The following EPS8 variants were observed in gnomAD, a reference collection of about 807,000 sequenced individuals.
EPS8 encodes epidermal growth factor receptor kinase substrate 8.
In EPS8, 42 loss-of-function variants were observed where a neutral mutation model predicts 103.8. That is an observed-to-expected ratio of 0.40 (90% CI 0.32 to 0.52). The LOEUF is 0.52. Ranked by LOEUF, EPS8 falls within the 20% of genes least tolerant of loss-of-function variation. The pLI, the probability that EPS8 is intolerant of heterozygous loss-of-function variation, is 0.40. For synonymous variants in EPS8, 344 were observed against 344.6 expected (o/e 1.00, Z 0.02); for missense variants, 969 against 1,005.1 (o/e 0.96, Z 0.49).
rs1946759689 is a variant in EPS8 at position 15,735,560 on chromosome 12, C to G, written c.-21-52588G>C. ...ATGTCTAATCCTAAATGCCTCAAAG[C>G]TACTTAATTTTGAATCTTTTTAATA... is the stretch of plus-strand genomic sequence containing the variant. On this transcript the variant is annotated intron_variant, in intron 1 of 20. Transcript: ENST00000281172. The surrounding 1 kb of genome is among the most constrained non-coding windows in gnomAD (Gnocchi z 4.4). 6.6e-6 allele frequency among the ~76,000 whole-genome samples: 1 copy of G among 152,118 alleles called. No homozygotes were observed. Among genetic ancestry groups the G allele is most frequent in the Non-Finnish European group, 1.5e-5 (1 of 68,030 alleles).
chr12:15,654,438 G>A, intron 12 of EPS8, 145 bp from the exon 13 acceptor site: 1 of 711,956 alleles, frequency 1.4e-6, no homozygotes, highest in Non-Finnish European at 2.4e-6. Context: ...GCTACTGAAT[G>A]AAGAAAAGCT....
At chr12:15,658,383 C>T (rs1013216557) in intron 11 of EPS8, 114 bp downstream of exon 11, 7 of 801,220 alleles carry the variant, frequency 8.7e-6, no homozygotes, top group Non-Finnish European at 1.4e-5. Flanking sequence ...CATACACACC[C>T]CCACAAAATC....
At chr12:15,732,870 G>A (rs907164097) in intron 1 of EPS8, 3 of 351,184 alleles carry the variant, frequency 8.5e-6, no homozygotes, top group East Asian at 3.3e-4. Context: ...CAGCCACCTC[G>A]GTCATTATGC....
chr12:15,666,364 A>T lies in EPS8; in HGVS notation c.599+76T>A, dbSNP rs1010210053. On this transcript the variant is annotated intron_variant, in intron 7 of 20. Transcript: ENST00000281172. Reference sequence around the variant, plus strand: ...CAATAATATACTTCCATAGAAAATAATTTTTCTAACTCTTTGGGGAAAAAA... The same window carrying T: ...CAATAATATACTTCCATAGAAAATATTTTTTCTAACTCTTTGGGGAAAAAA... The T allele has an allele frequency of 3.7e-6, 4 of 1,076,302 alleles. No individual in the cohort carries two copies. In the Admixed American group the frequency reaches 5.9e-5, roughly 16 times the overall value. The allele number at this position is 1,076,302 out of a possible 1,614,324, so 66.7% of individuals were successfully genotyped here.
chr12:15,673,769 T>C (rs1260122761), intron 3 of EPS8, among the ~76,000 whole-genome samples: 1 of 152,216 alleles, frequency 6.6e-6, no homozygotes, highest in Non-Finnish European at 1.5e-5. Context: ...AGTAGGGTTT[T>C]AGGTTTCTAG....
At position 15,695,971 on chromosome 12, in the gene EPS8, G is replaced by T. The variant is rs1474038172; in HGVS notation, c.-21-12999C>A. Among the ~76,000 whole-genome samples the T allele has an allele frequency of 1.3e-5, 2 of 152,160 alleles. No individual in the cohort carries two copies. Among genetic ancestry groups the T allele is most frequent in the Non-Finnish European group, 2.9e-5 (2 of 68,024 alleles). ...TTTATTAAAAAGTAAAAATAAAACA[G>T]ATAGCGTTTATAAGGATACAAACAC... On this transcript the variant is annotated intron_variant, in intron 1 of 20. Coordinates refer to ENST00000281172, the MANE Select transcript of EPS8 (RefSeq NM_004447.6). This position sits in a 1 kb window ranked among gnomAD's most constrained non-coding sequence, Gnocchi z 5.0.
rs965271964 is a variant in EPS8 at position 15,688,116 on chromosome 12, G to GT, written c.-21-5145dup. Among the ~76,000 whole-genome samples, 1 of 152,166 alleles carries GT rather than the reference G, an allele frequency of 6.6e-6. No individual in the cohort carries two copies. Among genetic ancestry groups the GT allele is most frequent in the Admixed American group, 6.5e-5 (1 of 15,276 alleles). On this transcript the variant is annotated intron_variant, in intron 1 of 20. Transcript: ENST00000281172. This position sits in a 1 kb window ranked among gnomAD's most constrained non-coding sequence, Gnocchi z 5.1. ...AAGTAATGTCTTATTTGCATCTAAG[G>GT]TAAAATCATAGGCAGAAGTGAACAC...
chr12:15,732,940 AC>A (rs1421906042), intron 1 of EPS8, among the ~76,000 whole-genome samples: 1 of 152,180 alleles, frequency 6.6e-6, no homozygotes, highest in Non-Finnish European at 1.5e-5. Context: ...AGACTAAGAC[AC>A]AGAAATAGCA....
In EPS8 at chr12:15,660,673, G is replaced by A. The variant is rs1180130286; in HGVS notation, c.878C>T (p.Ala293Val). The A allele has an allele frequency of 1.2e-6, 2 of 1,610,528 alleles. No individual in the cohort carries two copies. The highest frequency in any genetic ancestry group is 1.7e-6 in the Non-Finnish European group (2 of 1,177,172). ...FITKLQKAAEAFSELSKRKKN... is the reference protein window; with the variant it reads ...FITKLQKAAEVFSELSKRKKN... ...CTTCCTTTTAGAAAGCTCAGAAAATGCTTCTGCTGCTTTTTGGAGTTTTGT... is the reference window on the plus strand; with the variant it reads ...CTTCCTTTTAGAAAGCTCAGAAAATACTTCTGCTGCTTTTTGGAGTTTTGT... The change falls in exon 10 of 21, where the codon GCA becomes GTA. Residue 293 changes from alanine to valine, a missense_variant. Ala to Val is a moderately conservative substitution (Grantham distance 64). Transcript: ENST00000281172.
rs79316381 is a variant in EPS8, at chr12:15,661,867, T to C, written c.810+159A>G. Among the ~76,000 whole-genome samples the C allele has an allele frequency of 0.03, 4,498 of 152,160 alleles. 183 individuals carry two copies. The highest frequency in any genetic ancestry group is 0.093 in the African/African-American group (3,858 of 41,502). ...AAGGCAAAAATGTTTAACGAGAAAA[T>C]AATTCAAAGGGCAAATTCAAAGGGC... is the stretch of plus-strand genomic sequence containing the variant. On this transcript the variant is annotated intron_variant, in intron 9 of 20. Transcript: ENST00000281172.
chr12:15,783,048 G>C (rs933598063), intron 1 of EPS8, among the ~76,000 whole-genome samples: 1 of 152,168 alleles, frequency 6.6e-6, no homozygotes, highest in African/African-American at 2.4e-5. Context: ...CCAAGAAACA[G>C]AGAAAAGTCA....
At chr12:15,669,622 G>A in intron 5 of EPS8, 42 bp downstream of exon 5, 1 of 1,553,562 alleles carries the variant, frequency 6.4e-7, no homozygotes, top group Non-Finnish European at 8.7e-7. Context: ...AATATTTGTG[G>A]AGTTTCTTGA....
chr12:15,643,349 T>C (rs940021499), intron 15 of EPS8, among the ~76,000 whole-genome samples: 1 of 152,172 alleles, frequency 6.6e-6, no homozygotes, highest in Non-Finnish European at 1.5e-5. Flanking sequence ...CAAATCTTTA[T>C]GGCTCACAGT....
chr12:15,753,780 T>G (rs1323221199), intron 1 of EPS8, among the ~76,000 whole-genome samples: 1 of 152,230 alleles, frequency 6.6e-6, no homozygotes, highest in Non-Finnish European at 1.5e-5. Flanking sequence ...TCGAATATGG[T>G]GTTAAATAAA....
rs1049045066 is a variant in EPS8 at position 15,728,003 on chromosome 12, G to A, written c.-21-45031C>T. 2 of 152,206 alleles carry A rather than the reference G, an allele frequency of 1.3e-5. No homozygotes were observed. The highest frequency in any genetic ancestry group is 2.9e-5 in the Non-Finnish European group (2 of 68,036). 9.4% of individuals were successfully genotyped at this position (152,206 alleles called of 1,614,324 possible). A position where few individuals can be genotyped will look rare whatever the true frequency, so the allele number is the denominator to read the frequency against. The stretch of plus-strand genomic sequence containing the variant: ...TTCCCTACCAGGTCTGACTGCAATG[G>A]AAAGATTTAAAGCCCTGTGAAATGA... On this transcript the variant is annotated intron_variant, in intron 1 of 20. Coordinates refer to ENST00000281172, the MANE Select transcript of EPS8 (RefSeq NM_004447.6). The surrounding 1 kb of genome is among the most constrained non-coding windows in gnomAD (Gnocchi z 4.5).
rs778922214 is a variant in EPS8 at position 15,702,801 on chromosome 12, T to C, written c.-21-19829A>G. Among the ~76,000 whole-genome samples the C allele has an allele frequency of 3.9e-5, 6 of 152,214 alleles. No individual in the cohort carries two copies. The East Asian group carries it at 1.2e-3, about 29-fold the overall frequency. On this transcript the variant is annotated intron_variant, in intron 1 of 20. Transcript: ENST00000281172. This position sits in a 1 kb window ranked among gnomAD's most constrained non-coding sequence, Gnocchi z 5.1. ...AAATTATGAAAGGAATTCTAGCTTATGCACGTAATGGTTATTAAAGGTAAA... is the reference window on the plus strand; with the variant it reads ...AAATTATGAAAGGAATTCTAGCTTACGCACGTAATGGTTATTAAAGGTAAA...
Position 15,706,773 on chromosome 12 carries a change from G to C in EPS8, c.-21-23801C>G, listed in dbSNP as rs1235911509. On this transcript the variant is annotated intron_variant, in intron 1 of 20. Coordinates refer to ENST00000281172, the MANE Select transcript of EPS8 (RefSeq NM_004447.6). This position sits in a 1 kb window ranked among gnomAD's most constrained non-coding sequence, Gnocchi z 5.2. ...ACTTATCCAAAGATATTCTTCCTTG[G>C]GCAAATTTTGTAATAAAATGACACA... Among the ~76,000 whole-genome samples, 1 of 151,038 alleles carries C rather than the reference G, an allele frequency of 6.6e-6. No individual in the cohort carries two copies. Among genetic ancestry groups the C allele is most frequent in the Non-Finnish European group, 1.5e-5 (1 of 67,782 alleles).
At chr12:15,782,381 G>A (rs1047742856) in intron 1 of EPS8, among the ~76,000 whole-genome samples, 1 of 152,174 alleles carries the variant, frequency 6.6e-6, no homozygotes, top group South Asian at 2.1e-4. Flanking sequence ...CATGCCTATG[G>A]TTCCAGCTAT....
At position 15,785,023 on chromosome 12, in the gene EPS8, T is replaced by C. The variant is rs1397095752; in HGVS notation, c.-22+4138A>G. Among the ~76,000 whole-genome samples, 3 of 152,106 alleles carry C rather than the reference T, an allele frequency of 2.0e-5. No homozygotes were observed. Among genetic ancestry groups the C allele is most frequent in the Non-Finnish European group, 2.9e-5 (2 of 67,948 alleles). On this transcript the variant is annotated intron_variant, in intron 1 of 20. Transcript: ENST00000281172. This position sits in a 1 kb window ranked among gnomAD's most constrained non-coding sequence, Gnocchi z 4.9. ...GTTGAAATTATTCGGTATGATACTA[T>C]GATCCTATAAGGATAGCTACATCAA...
Sources: allele counts gnomAD v4.1 joint callset (sites outside exome capture counted in the v4.1 genomes callset), GRCh38; gene constraint gnomAD v4.1.1; non-coding constraint Gnocchi (gnomAD v3.1); transcripts MANE v1.5; gene names NCBI Gene and HGNC (gene_info 2026-07-23, HGNC 2026-07-21).